The following ACTN2 variants were observed in gnomAD, a reference collection of about 807,000 sequenced individuals.
The protein encoded by ACTN2 is actinin alpha 2, also known as alpha-actinin-2.
Under a neutral mutation model 113.8 loss-of-function variants are expected in ACTN2, and 39 were observed. That is an observed-to-expected ratio of 0.34 (90% CI 0.27 to 0.45). The LOEUF (loss-of-function observed/expected upper bound fraction) is 0.45. Among genes scored for constraint, ACTN2 ranks in the 20% least tolerant of loss-of-function variants. The pLI is 1.00. For synonymous variants in ACTN2, 429 were observed against 444.1 expected, an observed-to-expected ratio of 0.97 and a Z score of 0.43; for missense variants, 992 against 1,177.9, an observed-to-expected ratio of 0.84 and a Z score of 2.31.
intron 1 of ACTN2, among the ~76,000 whole-genome samples, chr1:236,695,153 G>T (rs1207828066): frequency 6.6e-6 from 1 of 150,964 alleles, no homozygotes; most frequent in Non-Finnish European, 1.5e-5. Flanking sequence ...AATCAGATGA[G>T]GCCAGGAGTT....
chr1:236,740,259 GCC>G (rs1659029594), intron 10 of ACTN2, among the ~76,000 whole-genome samples: 1 of 151,890 alleles, frequency 6.6e-6, no homozygotes, highest in African/African-American at 2.4e-5. Context: ...GATTACAGGT[GCC>G]CGCCACCACG....
chr1:236,726,355 G>T (rs746709785), intron 5 of ACTN2, among the ~76,000 whole-genome samples: 1 of 152,160 alleles, frequency 6.6e-6, no homozygotes, highest in Non-Finnish European at 1.5e-5. Flanking sequence ...TGTTTCTCAG[G>T]GATGAGGGAG....
In ACTN2 at chr1:236,710,197, A is replaced by C. The variant is rs200878146; in HGVS notation, c.127-7661A>C. Among the ~76,000 whole-genome samples, 20 of 152,356 alleles carry C rather than the reference A, an allele frequency of 1.3e-4. No individual in the cohort carries two copies. The East Asian group carries it at 3.5e-3, about 26-fold the overall frequency. On this transcript the variant is annotated intron_variant, in intron 1 of 20. Transcript: ENST00000366578. ...CGTAGTCAAAGAGGATGATGTAAAT[A>C]ATCACATTTTTCACTCATTTTGATT...
intron 6 of ACTN2, among the ~76,000 whole-genome samples, chr1:236,730,737 A>G (rs1013476511): frequency 4.6e-5 from 7 of 152,148 alleles, no homozygotes; most frequent in African/African-American, 1.7e-4. Context: ...TTCTTGCTTT[A>G]ACATGAGTTT....
chr1:236,695,563 T>TTCCCCCCCCCCCCCC (rs1553296741), intron 1 of ACTN2, among the ~76,000 whole-genome samples: 1 of 100,796 alleles, frequency 9.9e-6, no homozygotes, highest in Non-Finnish European at 1.9e-5. Flanking sequence ...TGAAATGAGT[T>TTCCCCCCCCCCCCCC]CCCCCCCCCT....
At chr1:236,717,176 G>T (rs1658243791) in intron 1 of ACTN2, among the ~76,000 whole-genome samples, 1 of 151,872 alleles carries the variant, frequency 6.6e-6, no homozygotes, top group South Asian at 2.1e-4. Context: ...GGGCATGGTG[G>T]CTCATGCCTG....
At chr1:236,734,884 AC>A (rs952810527) in intron 7 of ACTN2, among the ~76,000 whole-genome samples, 29 of 152,346 alleles carry the variant, frequency 1.9e-4, no homozygotes, top group African/African-American at 7.0e-4. Context: ...AAAGCAACTT[AC>A]CGAAAAATGG....
At chr1:236,690,116 G>A (rs1453076889) in intron 1 of ACTN2, among the ~76,000 whole-genome samples, 2 of 152,188 alleles carry the variant, frequency 1.3e-5, no homozygotes, top group South Asian at 2.1e-4. Context: ...TCACAGTTGA[G>A]ATGGCTGGAT....
chr1:236,739,278 A>T (rs755198519), intron 9 of ACTN2, 24 bp from the exon 10 acceptor site: 2 of 1,611,950 alleles, frequency 1.2e-6, no homozygotes, highest in Non-Finnish European at 1.7e-6. Context: ...TGTCTTCAGC[A>T]GTATTTTTGT....
intron 8 of ACTN2, chr1:236,736,746 C>A: frequency 2.1e-6 from 2 of 943,890 alleles, no homozygotes; most frequent in Non-Finnish European, 1.6e-6. Context: ...GTCTCCATCC[C>A]ATCGTCATGA....
rs1251526511 is a variant in ACTN2 at position 236,717,881 on chromosome 1, C to T, written c.150C>T (p.Ser50=). ...QRKTFTAWCN[S]HLRKAGTQIE... The stretch of plus-strand genomic sequence containing the variant: ...AGACCTTCACTGCCTGGTGTAACTC[C>T]CACCTAAGGAAAGCCGGCACCCAGA... Residue 50 remains serine (S), a synonymous_variant, in exon 2 of 21, where the codon TCC becomes TCT. Coordinates refer to ENST00000366578, the MANE Select transcript of ACTN2 (RefSeq NM_001103.4). The T allele has an allele frequency of 1.2e-6, 2 of 1,614,012 alleles. No individual in the cohort carries two copies. The highest frequency in any genetic ancestry group is 4.5e-5 in the East Asian group (2 of 44,860).
chr1:236,737,857 C>T lies in ACTN2; in HGVS notation c.876+643C>T, dbSNP rs78056234. Among the ~76,000 whole-genome samples the T allele has an allele frequency of 1.1e-3, 161 of 152,278 alleles. 2 individuals are homozygous for T. In the East Asian group the frequency reaches 0.015, roughly 14 times the overall value. ...CTTGTTATAGCATACGTAGCGACTA[C>T]GCAGTATCCTCGCTGCATCTGCACT... On this transcript the variant is annotated intron_variant, in intron 9 of 20. Coordinates refer to ENST00000366578, the MANE Select transcript of ACTN2 (RefSeq NM_001103.4).
At chr1:236,711,603 G>A (rs1272833995) in intron 1 of ACTN2, among the ~76,000 whole-genome samples, 7 of 152,194 alleles carry the variant, frequency 4.6e-5, no homozygotes, top group Non-Finnish European at 1.0e-4. Flanking sequence ...ACCCACCTTG[G>A]CCTCCCAAAA....
chr1:236,686,593 C>T lies in ACTN2; in HGVS notation c.-81C>T. 7.0e-7 allele frequency: 1 copy of T among 1,419,360 alleles called. No individual in the cohort carries two copies. The highest frequency in any genetic ancestry group is 2.6e-4 in the Middle Eastern group (1 of 3,838). The allele number at this position is 1,419,360 out of a possible 1,614,324, so 87.9% of individuals were successfully genotyped here. On this transcript the variant is annotated 5_prime_UTR_variant, in exon 1 of 21. Coordinates refer to ENST00000366578, the MANE Select transcript of ACTN2 (RefSeq NM_001103.4). ...CCCGCGCCCGCCGCCCGCCGCCCGC[C>T]GCCTCCGTGGGTCCGTTTGCCAGTC...
At position 236,735,738 on chromosome 1, in the gene ACTN2, G is replaced by C. The variant is rs370559982; in HGVS notation, c.783+18G>C. Reference sequence around the variant, plus strand: ...CGGAGCAGGTACTCAACACTTGTCCGTCCGGGCTGTTGTGTTACTCTCTGT... The same window carrying C: ...CGGAGCAGGTACTCAACACTTGTCCCTCCGGGCTGTTGTGTTACTCTCTGT... On this transcript the variant is annotated intron_variant, in intron 8 of 20. Coordinates refer to ENST00000366578, the MANE Select transcript of ACTN2 (RefSeq NM_001103.4). 6.2e-7 allele frequency: 1 copy of C among 1,608,838 alleles called. No individual in the cohort carries two copies. The highest frequency in any genetic ancestry group is 8.5e-7 in the Non-Finnish European group (1 of 1,175,326).
intron 4 of ACTN2, among the ~76,000 whole-genome samples, 179 bp from the exon 5 acceptor site, chr1:236,725,754 A>C (rs1658529933): frequency 6.6e-6 from 1 of 152,170 alleles, no homozygotes; most frequent in African/African-American, 2.4e-5. Flanking sequence ...GAAGTCCCTA[A>C]GTGTCATCAG....
At chr1:236,709,030 G>T (rs1161438189) in intron 1 of ACTN2, among the ~76,000 whole-genome samples, 4 of 151,760 alleles carry the variant, frequency 2.6e-5, no homozygotes, top group Non-Finnish European at 1.5e-5. Flanking sequence ...CACTATTAAA[G>T]TGATGGCTGT....
At chr1:236,727,863 A>G in intron 6 of ACTN2, 107 bp downstream of exon 6, 1 of 1,039,000 alleles carries the variant, frequency 9.6e-7, no homozygotes, top group Admixed American at 1.9e-5. Context: ...GGCCACCTGC[A>G]GAAACGGCCA....
intron 7 of ACTN2, among the ~76,000 whole-genome samples, chr1:236,733,834 G>T (rs1463574228): frequency 1.3e-5 from 2 of 152,078 alleles, no homozygotes; most frequent in Non-Finnish European, 2.9e-5. Flanking sequence ...ATTTGTGTTG[G>T]TCTCTGAACC....
Sources: allele counts gnomAD v4.1 joint callset (sites outside exome capture counted in the v4.1 genomes callset), GRCh38; gene constraint gnomAD v4.1.1; transcripts MANE v1.5; gene names NCBI Gene and HGNC (gene_info 2026-07-23, HGNC 2026-07-21).